The following PCNX2 variants were observed in gnomAD, a reference collection of about 807,000 sequenced individuals.
PCNX2 encodes the protein pecanex 2.
Under a neutral mutation model 223.8 loss-of-function variants are expected in PCNX2, and 168 were observed. The ratio of observed to expected loss-of-function variants is 0.75; its 90% CI spans 0.66 to 0.85. PCNX2 has a LOEUF of 0.85. Ranked by LOEUF, PCNX2 falls within the 40% of genes least tolerant of loss-of-function variation. The pLI is 0.00. For missense variants in PCNX2, 2,507 were observed against 2,675.5 expected (o/e 0.94, Z 1.39); for synonymous variants, 1,006 against 1,052.6 (o/e 0.96, Z 0.86).
intron 22 of PCNX2, among the ~76,000 whole-genome samples, 164 bp from the exon 23 acceptor site, chr1:233,090,354 T>C (rs1673810154): frequency 6.6e-6 from 1 of 152,198 alleles, no homozygotes; most frequent in African/African-American, 2.4e-5. Context: ...AATATAAAAC[T>C]TTCAGTAGTA....
At chr1:233,112,712 A>AGGTCG in intron 21 of PCNX2, 1 of 550,216 alleles carries the variant, frequency 1.8e-6, no homozygotes. Flanking sequence ...TAGATCTTTG[A>AGGTCG]ACAATATAAC....
At chr1:233,010,282 T>C (rs889367991) in intron 28 of PCNX2, among the ~76,000 whole-genome samples, 5 of 152,148 alleles carry the variant, frequency 3.3e-5, no homozygotes, top group African/African-American at 1.2e-4. Flanking sequence ...GTAGATGGAG[T>C]GACCTCAGAC....
intron 1 of PCNX2, among the ~76,000 whole-genome samples, chr1:233,276,069 T>C (rs1474041528): frequency 1.3e-5 from 2 of 152,012 alleles, no homozygotes; most frequent in Admixed American, 1.3e-4. Context: ...GAAACAACTC[T>C]AATGTCCTTC....
intron 23 of PCNX2, among the ~76,000 whole-genome samples, chr1:233,074,629 C>T (rs1181325927): frequency 3.0e-5 from 4 of 133,434 alleles, no homozygotes; most frequent in Non-Finnish European, 6.4e-5. Context: ...AAAAAGAGGA[C>T]GAAAAGACAA....
intron 1 of PCNX2, among the ~76,000 whole-genome samples, chr1:233,292,938 A>T (rs1001648998): frequency 6.6e-6 from 1 of 152,074 alleles, no homozygotes; most frequent in African/African-American, 2.4e-5. Flanking sequence ...GTTTTTTTTT[A>T]AAGTCTGATA....
At chr1:233,088,102 A>G (rs1246251218) in intron 23 of PCNX2, among the ~76,000 whole-genome samples, 1 of 152,186 alleles carries the variant, frequency 6.6e-6, no homozygotes, top group Admixed American at 6.5e-5. Context: ...TGAATTTTGG[A>G]AGTGAGGAGA....
intron 19 of PCNX2, among the ~76,000 whole-genome samples, chr1:233,144,007 C>T (rs1677278610): frequency 6.6e-6 from 1 of 151,832 alleles, no homozygotes; most frequent in African/African-American, 2.4e-5. Context: ...ATAGGGAGAC[C>T]CTGTCTCTAC....
At chr1:233,144,169 T>C (rs1488587905) in intron 19 of PCNX2, among the ~76,000 whole-genome samples, 1 of 151,974 alleles carries the variant, frequency 6.6e-6, no homozygotes, top group Non-Finnish European at 1.5e-5. Flanking sequence ...CAACAGAGCG[T>C]AGACCCTGTC....
the PCNX2 span, among the ~76,000 whole-genome samples, chr1:233,313,939 C>G: frequency 6.6e-6 from 1 of 152,122 alleles, no homozygotes; most frequent in African/African-American, 2.4e-5. Flanking sequence ...CTGTGGAGGC[C>G]CATTTAGCCA....
At chr1:233,060,715 A>G (rs1188160627) in intron 23 of PCNX2, among the ~76,000 whole-genome samples, 2 of 152,162 alleles carry the variant, frequency 1.3e-5, no homozygotes, top group Non-Finnish European at 2.9e-5. Flanking sequence ...TCACTCCCCA[A>G]TCTCAGTGGG....
intron 8 of PCNX2, 118 bp from the exon 9 acceptor site, chr1:233,237,098 C>T: frequency 7.7e-7 from 1 of 1,291,964 alleles, no homozygotes; most frequent in Non-Finnish European, 1.1e-6. Flanking sequence ...TGAGACTTTA[C>T]AACCTTACAT....
intron 13 of PCNX2, 26 bp from the exon 14 acceptor site, chr1:233,200,290 G>T: frequency 6.7e-7 from 1 of 1,487,580 alleles, no homozygotes; most frequent in South Asian, 1.2e-5. Flanking sequence ...CAAAATTGAC[G>T]ATAAGCATGG....
chr1:233,295,739 A>G, upstream of PCNX2: 1 of 354,268 alleles, frequency 2.8e-6, no homozygotes, highest in South Asian at 1.1e-4. This position sits in a 1 kb window ranked among gnomAD's most constrained non-coding sequence, Gnocchi z 4.1. Flanking sequence ...GGATTTTCCC[A>G]TCGTGCTCAG....
chr1:233,160,576 A>G, intron 18 of PCNX2, 143 bp from the exon 19 acceptor site: 1 of 953,160 alleles, frequency 1.0e-6, no homozygotes, highest in South Asian at 1.7e-5. Flanking sequence ...AGGCCTCTGA[A>G]AATGTCTTCT....
At chr1:233,277,764 T>C (rs1660989828) in intron 1 of PCNX2, among the ~76,000 whole-genome samples, 1 of 152,008 alleles carries the variant, frequency 6.6e-6, no homozygotes, top group Admixed American at 6.6e-5. Context: ...CACCGATCAT[T>C]AGCACAGATG....
At chr1:233,090,226 T>G in intron 22 of PCNX2, 36 bp from the exon 23 acceptor site, 1 of 1,592,048 alleles carries the variant, frequency 6.3e-7, no homozygotes, top group Non-Finnish European at 8.5e-7. Flanking sequence ...AAAAAAATTA[T>G]GATTCTTAGA....
intron 15 of PCNX2, among the ~76,000 whole-genome samples, chr1:233,196,464 A>G (rs977569192): frequency 6.6e-6 from 1 of 152,160 alleles, no homozygotes; most frequent in Non-Finnish European, 1.5e-5. Context: ...TGTGTAGCAT[A>G]TATCTGTTAA....
intron 21 of PCNX2, among the ~76,000 whole-genome samples, chr1:233,133,083 G>C (rs572160531): frequency 1.3e-5 from 2 of 151,974 alleles, no homozygotes; most frequent in African/African-American, 4.8e-5. Context: ...ACTTTTTGTA[G>C]AGACTGGGTT....
intron 24 of PCNX2, among the ~76,000 whole-genome samples, chr1:233,055,030 CTGTATGCA>C (rs1413411804): frequency 6.6e-6 from 1 of 152,174 alleles, no homozygotes. Context: ...TAGTATCCCT[CTGTATGCA>C]TGTGCTACAG....
Sources: allele counts gnomAD v4.1 joint callset (sites outside exome capture counted in the v4.1 genomes callset), GRCh38; gene constraint gnomAD v4.1.1; non-coding constraint Gnocchi (gnomAD v3.1); transcripts MANE v1.5; gene names NCBI Gene and HGNC (gene_info 2026-07-23, HGNC 2026-07-21).